GTF2H1: variants seen among roughly 807,000 people sequenced by gnomAD.
GTF2H1 encodes general transcription factor IIH subunit 1.
Under a neutral mutation model 71.2 loss-of-function variants are expected in GTF2H1, and 16 were observed. That is an observed-to-expected ratio of 0.22 (90% CI 0.15 to 0.34). The LOEUF (loss-of-function observed/expected upper bound fraction) is 0.34, where lower values mean the gene tolerates loss of function less well. Among genes scored for constraint, GTF2H1 ranks in the 10% least tolerant of loss-of-function variants. The probability of loss-of-function intolerance (pLI) is 1.00; values close to 1 mark genes in which losing one functional copy is unlikely to be tolerated. For missense variants in GTF2H1, 498 were observed against 648.2 expected, an observed-to-expected ratio of 0.77 and a Z score of 2.52; for synonymous variants, 215 against 219.0, an observed-to-expected ratio of 0.98 and a Z score of 0.16.
At chr11:18,360,236 C>T (rs1865664208) in intron 13 of GTF2H1, among the ~76,000 whole-genome samples, 1 of 152,136 alleles carries the variant, frequency 6.6e-6, no homozygotes, top group South Asian at 2.1e-4. Flanking sequence ...AATTTTCCTG[C>T]CTCAGCCTCC....
In GTF2H1 at chr11:18,343,315, C is replaced by T. The variant is rs1019561186; in HGVS notation, c.837+1708C>T. 2.8e-4 allele frequency among the ~76,000 whole-genome samples: 43 copies of T among 152,102 alleles called. 1 individual carries two copies. The highest frequency in any genetic ancestry group is 2.6e-3 in the Admixed American group (40 of 15,272). ...TTCTATGAGTTAAAAGAGCCTAGTG[C>T]GTAATAAGTAGTAGGTAATAGGCAT... is the stretch of plus-strand genomic sequence containing the variant. On this transcript the variant is annotated intron_variant, in intron 7 of 14. Coordinates refer to ENST00000265963, the MANE Select transcript of GTF2H1 (RefSeq NM_005316.4).
intron 7 of GTF2H1, among the ~76,000 whole-genome samples, chr11:18,344,716 C>G (rs1865244415): frequency 6.6e-6 from 1 of 151,378 alleles, no homozygotes; most frequent in African/African-American, 2.4e-5. Context: ...AGAATAAAAT[C>G]AAAACTCCTA....
intron 1 of GTF2H1, among the ~76,000 whole-genome samples, chr11:18,325,552 T>C (rs958330444): frequency 5.3e-5 from 8 of 152,204 alleles, no homozygotes; most frequent in African/African-American, 1.7e-4. Flanking sequence ...CCCTCCCTTA[T>C]GAAGCTTGCA....
chr11:18,360,737 C>A, intron 14 of GTF2H1, 30 bp downstream of exon 14: 1 of 1,082,738 alleles, frequency 9.2e-7, no homozygotes, highest in Non-Finnish European at 1.4e-6. Context: ...TTTGCCTGAT[C>A]TTCTTTCTCT....
chr11:18,331,027 A>G (rs184913900), intron 1 of GTF2H1, among the ~76,000 whole-genome samples: 405 of 152,206 alleles, frequency 2.7e-3, no homozygotes, highest in Non-Finnish European at 4.4e-3. Flanking sequence ...ATAAGAAGTA[A>G]TAATTGTTTT....
intron 7 of GTF2H1, among the ~76,000 whole-genome samples, chr11:18,344,662 A>G (rs1865243303): frequency 6.6e-6 from 1 of 151,970 alleles, no homozygotes; most frequent in Non-Finnish European, 1.5e-5. Flanking sequence ...TCAGATCCTA[A>G]TAATCCCCTA....
At chr11:18,356,783 CTTTGTT>C (rs1225694708) in intron 11 of GTF2H1, among the ~76,000 whole-genome samples, 2 of 115,944 alleles carry the variant, frequency 1.7e-5, no homozygotes, top group African/African-American at 6.9e-5. Context: ...TGTAGTCAAT[CTTTGTT>C]TTTTTTTTTT....
chr11:18,364,587 G>C (rs1157921191), intron 14 of GTF2H1, among the ~76,000 whole-genome samples: 1 of 151,896 alleles, frequency 6.6e-6, no homozygotes, highest in Admixed American at 6.6e-5. Context: ...GTGAGACCAT[G>C]TCTCAAAAAA....
At chr11:18,325,062 G>A (rs560430293) in intron 1 of GTF2H1, among the ~76,000 whole-genome samples, 4 of 152,302 alleles carry the variant, frequency 2.6e-5, no homozygotes, top group African/African-American at 9.6e-5. Flanking sequence ...TTGATGGCAA[G>A]CAGCATTCCA....
chr11:18,355,218 C>T (rs1036622777), intron 11 of GTF2H1, among the ~76,000 whole-genome samples: 1 of 151,746 alleles, frequency 6.6e-6, no homozygotes, highest in Non-Finnish European at 1.5e-5. Context: ...TCCCCACTCA[C>T]TGCAAGCTCC....
At chr11:18,335,009 A>G (rs1308689724) in intron 2 of GTF2H1, among the ~76,000 whole-genome samples, 1 of 151,682 alleles carries the variant, frequency 6.6e-6, no homozygotes, top group Non-Finnish European at 1.5e-5. Context: ...TGTAGTTGTC[A>G]TTTCTTTAGT....
intron 3 of GTF2H1, among the ~76,000 whole-genome samples, chr11:18,337,150 G>A (rs1019900832): frequency 3.3e-5 from 5 of 152,108 alleles, no homozygotes; most frequent in African/African-American, 7.2e-5. Context: ...TGCTGAAGGC[G>A]GGGCATAATG....
chr11:18,328,506 C>A (rs1864821770), intron 1 of GTF2H1, among the ~76,000 whole-genome samples: 1 of 139,496 alleles, frequency 7.2e-6, no homozygotes, highest in Non-Finnish European at 1.5e-5. Context: ...GAGCAAGACT[C>A]CATCTCAAAA....
At chr11:18,325,856 A>C (rs1002219636) in intron 1 of GTF2H1, 6 of 152,206 alleles carry the variant, frequency 3.9e-5, no homozygotes, top group Non-Finnish European at 5.9e-5. Context: ...ATAAGTAAAT[A>C]GTCTTTTAGT....
chr11:18,324,466 G>A (rs957367514), intron 1 of GTF2H1, among the ~76,000 whole-genome samples: 6 of 152,220 alleles, frequency 3.9e-5, no homozygotes, highest in African/African-American at 1.4e-4. Context: ...CCAGTCCTGG[G>A]TTGTGAATGC....
Position 18,347,717 on chromosome 11 carries a change from T to C in GTF2H1, c.965+2T>C. 1 of 1,613,184 alleles carries C rather than the reference T, an allele frequency of 6.2e-7. No homozygotes were observed. The highest frequency in any genetic ancestry group is 2.2e-5 in the East Asian group (1 of 44,880). ...CCTGGCAGCTGGACTCAGAAAACAG[T>C]TAAGTATAAATGCAGAGGTGCAGTA... On this transcript the variant is annotated splice_donor_variant, in intron 8 of 14. Coordinates refer to ENST00000265963, the MANE Select transcript of GTF2H1 (RefSeq NM_005316.4). LOFTEE classifies it high-confidence loss of function.
Position 18,338,164 on chromosome 11 carries a change from C to G in GTF2H1, c.403C>G (p.Gln135Glu), listed in dbSNP as rs1336742516. The part of the protein sequence containing the change: ...FQLYKDLVVS[Q>E]VISAEEFWAN... ...GCTTTATAAAGACCTTGTTGTGAGT[C>G]AAGTGATCAGTGCTGAGGAATTCTG... The change falls in exon 4 of 15, where the codon CAA (glutamine) becomes GAA (glutamate). Residue 135 changes from glutamine (Q) to glutamate (E), a missense_variant. By Grantham distance (29) the Gln-to-Glu change is conservative (BLOSUM62 2). Around this residue, in one of 3 missense-constraint regions of GTF2H1, gnomAD observed 216 missense variants for 306.2 expected, o/e 0.71. Transcript: ENST00000265963. 6.2e-7 allele frequency: 1 copy of G among 1,609,840 alleles called. No individual in the cohort carries two copies. Among genetic ancestry groups the G allele is most frequent in the Admixed American group, 1.7e-5 (1 of 60,002 alleles).
chr11:18,324,850 C>A (rs964326985), intron 1 of GTF2H1, among the ~76,000 whole-genome samples: 7 of 152,196 alleles, frequency 4.6e-5, no homozygotes, highest in Admixed American at 2.0e-4. Flanking sequence ...TCATGCATCT[C>A]TGTCGCATTT....
At chr11:18,344,048 C>T (rs1865226585) in intron 7 of GTF2H1, among the ~76,000 whole-genome samples, 1 of 152,096 alleles carries the variant, frequency 6.6e-6, no homozygotes, top group Admixed American at 6.6e-5. Context: ...CTGGTCTGAA[C>T]TCCTGGGCTC....
Sources: allele counts gnomAD v4.1 joint callset (sites outside exome capture counted in the v4.1 genomes callset), GRCh38; gene constraint gnomAD v4.1.1; regional missense constraint gnomAD v4.1.1; transcripts MANE v1.5; gene names NCBI Gene and HGNC (gene_info 2026-07-23, HGNC 2026-07-21).